Variants in CATSPERD observed in about 807,000 individuals in gnomAD.
The protein encoded by CATSPERD is cation channel sperm-associated auxiliary subunit delta.
Under a neutral mutation model 98.1 loss-of-function variants are expected in CATSPERD, and 86 were observed. The ratio of observed to expected loss-of-function variants is 0.88; its 90% CI spans 0.74 to 1.05. The LOEUF is 1.05. Ranked by LOEUF, CATSPERD falls within the 50% of genes least tolerant of loss-of-function variation. The pLI is 0.00. For synonymous variants in CATSPERD, 394 were observed against 390.2 expected (o/e 1.01, Z -0.12); for missense variants, 995 against 1,005.7 (o/e 0.99, Z 0.14).
At chr19:5,776,553 G>A (rs1158960833) in intron 21 of CATSPERD, among the ~76,000 whole-genome samples, 1 of 152,218 alleles carries the variant, frequency 6.6e-6, no homozygotes, top group Non-Finnish European at 1.5e-5. Context: ...AGGCTGTGCC[G>A]CTGCCCTGGC....
rs529451148 is a variant in CATSPERD at position 5,774,728 on chromosome 19, A to G, written c.1942-1433A>G. Among the ~76,000 whole-genome samples the G allele has an allele frequency of 7.4e-5, 11 of 147,736 alleles. No individual in the cohort carries two copies. In the South Asian group the frequency reaches 2.2e-3, roughly 29 times the overall value. ...AAATAAAATTTAAAAATAAATAAAT[A>G]AAGAGTGGCCAGGTACTGTGGCTCA... On this transcript the variant is annotated intron_variant, in intron 20 of 21. Coordinates refer to ENST00000381624, the MANE Select transcript of CATSPERD (RefSeq NM_152784.4).
At chr19:5,721,875 G>C (rs1307257337) in intron 1 of CATSPERD, among the ~76,000 whole-genome samples, 2 of 151,776 alleles carry the variant, frequency 1.3e-5, no homozygotes, top group Admixed American at 1.3e-4. Context: ...TGTAATCCCA[G>C]CTACTTGGGA....
At chr19:5,772,746 T>A in intron 19 of CATSPERD, 42 bp from the exon 20 acceptor site, 2 of 1,589,470 alleles carry the variant, frequency 1.3e-6, no homozygotes, top group East Asian at 4.5e-5. Flanking sequence ...TCCTGGGTTG[T>A]CCCTGCTCCC....
chr19:5,748,112 T>C (rs2056130065), intron 9 of CATSPERD, 48 bp from the exon 10 acceptor site: 1 of 1,501,150 alleles, frequency 6.7e-7, no homozygotes, highest in Non-Finnish European at 9.3e-7. Context: ...ACATCCCCTT[T>C]CCCAGGATGT....
intron 9 of CATSPERD, 127 bp from the exon 10 acceptor site, chr19:5,748,033 G>A: frequency 4.4e-6 from 3 of 682,282 alleles, no homozygotes; most frequent in Non-Finnish European, 7.9e-6. Context: ...AAAGCTATAA[G>A]GAACATCGAA....
intron 3 of CATSPERD, among the ~76,000 whole-genome samples, chr19:5,728,487 C>T (rs577758358): frequency 6.4e-4 from 97 of 151,362 alleles, no homozygotes; most frequent in Admixed American, 3.4e-3. Context: ...CACAGGAGTT[C>T]GAGGGGGTAC....
chr19:5,778,663 G>A lies in CATSPERD; in HGVS notation c.2384G>A (p.Arg795Lys). The A allele has an allele frequency of 6.2e-7, 1 of 1,612,384 alleles. No individual in the cohort carries two copies. Among genetic ancestry groups the A allele is most frequent in the Non-Finnish European group, 8.5e-7 (1 of 1,179,374 alleles). The change falls in exon 22 of 22, where the codon AGG becomes AAG. Residue 795 changes from arginine (R) to lysine (K), a missense_variant. Arg to Lys is a conservative substitution (Grantham distance 26, BLOSUM62 2). Around this residue, in one of 3 missense-constraint regions of CATSPERD, gnomAD observed 762 missense variants for 773.7 expected, o/e 0.98. Coordinates refer to ENST00000381624, the MANE Select transcript of CATSPERD (RefSeq NM_152784.4). ...PGRHRTPHGG[R>K]SDH ...CGCCACCGCACTCCTCACGGAGGCAGGTCTGACCACTGAGGCCGGTCCACA... is the reference window on the plus strand; with the variant it reads ...CGCCACCGCACTCCTCACGGAGGCAAGTCTGACCACTGAGGCCGGTCCACA...
rs76908976 is a variant in CATSPERD, at chr19:5,748,115, C to G, written c.809-45C>G. 8,321 of 1,516,016 alleles carry G rather than the reference C, an allele frequency of 5.5e-3. 355 individuals are homozygous for G. In the African/African-American group the frequency reaches 0.098, roughly 18 times the overall value. The allele number at this position is 1,516,016 out of a possible 1,614,324, so 93.9% of individuals were successfully genotyped here. On this transcript the variant is annotated intron_variant, in intron 9 of 21. Transcript: ENST00000381624. ...TCCCAGTAGTAGACATCCCCTTTCC[C>G]AGGATGTACACGGGGCCTCATGCAC...
chr19:5,750,382 C>T (rs907393797), intron 11 of CATSPERD, among the ~76,000 whole-genome samples: 5 of 125,976 alleles, frequency 4.0e-5, no homozygotes, highest in Admixed American at 3.1e-4. Flanking sequence ...ATCCAGGAGG[C>T]GGAGCTTGCA....
At chr19:5,753,574 AG>A in intron 12 of CATSPERD, 2 of 412,674 alleles carry the variant, frequency 4.8e-6, no homozygotes, top group South Asian at 1.7e-5. Flanking sequence ...AAAAAAAAAA[AG>A]AAACAGAAAG....
chr19:5,767,588 T>C (rs187912888), intron 17 of CATSPERD, among the ~76,000 whole-genome samples: 2,902 of 145,886 alleles, frequency 0.02, 42 homozygotes, highest in Middle Eastern at 0.031. Context: ...CCCTGGTTCA[T>C]GCCATTCTCC....
At chr19:5,734,186 G>A (rs2055793707) in intron 5 of CATSPERD, among the ~76,000 whole-genome samples, 1 of 152,134 alleles carries the variant, frequency 6.6e-6, no homozygotes, top group South Asian at 2.1e-4. Flanking sequence ...AGCCACAAAA[G>A]CTACTTGGGC....
chr19:5,754,209 G>C lies in CATSPERD; in HGVS notation c.1242G>C (p.Ser414=), dbSNP rs553271657. Residue 414 remains serine, a synonymous_variant, in exon 13 of 22, where the codon TCG becomes TCC. Transcript: ENST00000381624. The stretch of plus-strand genomic sequence containing the variant: ...ACAGCCAGCTGGAATTGACTGCTTC[G>C]TTGATACCCCAGCCAGGCACATCCC... ...DMHSQLELTA[S]LIPQPGTSLI... is the part of the protein sequence containing the mutation. 1.2e-6 allele frequency: 2 copies of C among 1,613,590 alleles called. No homozygotes were observed. Among genetic ancestry groups the C allele is most frequent in the African/African-American group, 1.3e-5 (1 of 74,840 alleles).
chr19:5,740,027 A>T lies in CATSPERD; in HGVS notation c.573+588A>T, dbSNP rs142645994. Among the ~76,000 whole-genome samples, 709 of 152,228 alleles carry T rather than the reference A, an allele frequency of 4.7e-3. 5 individuals are homozygous for T. The highest frequency in any genetic ancestry group is 0.016 in the African/African-American group (685 of 41,540). ...CCAGGTGCGGTGCCTCACGCATGTA[A>T]TCTGAGCACTTTGGGAGGCCGAGGT... On this transcript the variant is annotated intron_variant, in intron 7 of 21. Transcript: ENST00000381624.
chr19:5,734,191 T>C (rs902847481), intron 5 of CATSPERD, among the ~76,000 whole-genome samples: 1 of 152,160 alleles, frequency 6.6e-6, no homozygotes, highest in Non-Finnish European at 1.5e-5. Flanking sequence ...CAAAAGCTAC[T>C]TGGGCTTATT....
In CATSPERD at chr19:5,724,818, G is replaced by A; in HGVS notation, c.82G>A (p.Val28Met). The change falls in exon 2 of 22, where the codon GTG (valine) becomes ATG (methionine). Residue 28 changes from valine (V) to methionine (M), a missense_variant. Transcript: ENST00000381624. ...TCTTGTCACTTCTAGTTCTCGCACAGTGAGGACAGGAAAAGTGTTTAATCT... is the reference window on the plus strand; with the variant it reads ...TCTTGTCACTTCTAGTTCTCGCACAATGAGGACAGGAAAAGTGTTTAATCT... ...VTAQLCRSRT[V>M]RTGKVFNLIQ... 6.2e-7 allele frequency: 1 copy of A among 1,614,096 alleles called. No homozygotes were observed. The highest frequency in any genetic ancestry group is 2.2e-5 in the East Asian group (1 of 44,864).
chr19:5,722,888 G>T (rs2055521264), intron 1 of CATSPERD, among the ~76,000 whole-genome samples: 1 of 152,072 alleles, frequency 6.6e-6, no homozygotes, highest in Non-Finnish European at 1.5e-5. Context: ...GGTCTGTGAA[G>T]GAGCCTTTAG....
At chr19:5,761,773 G>C (rs541627331) in intron 15 of CATSPERD, among the ~76,000 whole-genome samples, 1 of 151,270 alleles carries the variant, frequency 6.6e-6, no homozygotes, top group East Asian at 1.9e-4. Context: ...CACGATCTCG[G>C]CTCACTGCAA....
At chr19:5,758,890 C>G (rs567549948) in intron 14 of CATSPERD, among the ~76,000 whole-genome samples, 196 bp from the exon 15 acceptor site, 1 of 147,934 alleles carries the variant, frequency 6.8e-6, no homozygotes, top group African/African-American at 2.5e-5. Context: ...TGCTAATGCA[C>G]TCCAGCCTGG....
Sources: allele counts gnomAD v4.1 joint callset (sites outside exome capture counted in the v4.1 genomes callset), GRCh38; gene constraint gnomAD v4.1.1; regional missense constraint gnomAD v4.1.1; transcripts MANE v1.5; gene names NCBI Gene and HGNC (gene_info 2026-07-23, HGNC 2026-07-21).